Variants in RBFOX1 observed in about 807,000 individuals in gnomAD.
RBFOX1 encodes RNA binding protein fox-1 homolog 1.
A neutral mutation model predicts 57.7 loss-of-function variants in RBFOX1; 8 were observed. That is an observed-to-expected ratio of 0.14 (90% CI 0.08 to 0.25). The LOEUF is 0.25. Ranked by LOEUF, RBFOX1 falls within the 10% of genes least tolerant of loss-of-function variation. RBFOX1 has a pLI of 1.00. For synonymous variants in RBFOX1, 326 were observed against 222.4 expected, an observed-to-expected ratio of 1.47 and a Z score of -4.15; for missense variants, 611 against 548.5, an observed-to-expected ratio of 1.11 and a Z score of -1.14.
chr16:7,486,415 G>A (rs1160730001), intron 4 of RBFOX1, among the ~76,000 whole-genome samples: 5 of 152,032 alleles, frequency 3.3e-5, no homozygotes, highest in Admixed American at 2.0e-4. Flanking sequence ...GGGATTATAG[G>A]TGTGAGCCAT....
At chr16:7,111,349 C>A (rs1054502994) in intron 4 of RBFOX1, among the ~76,000 whole-genome samples, 31 of 152,126 alleles carry the variant, frequency 2.0e-4, no homozygotes, top group Non-Finnish European at 2.9e-5. Flanking sequence ...CGGAGCTGAG[C>A]GGCACTGTTT....
chr16:5,494,993 C>T (rs574563047), intron 2 of RBFOX1, among the ~76,000 whole-genome samples: 3 of 152,266 alleles, frequency 2.0e-5, no homozygotes, highest in South Asian at 2.1e-4. Flanking sequence ...ATCAGTTTTA[C>T]GTGACTAGTG....
intron 2 of RBFOX1, among the ~76,000 whole-genome samples, chr16:6,626,065 C>G (rs992017324): frequency 6.6e-6 from 1 of 151,768 alleles, no homozygotes; most frequent in Non-Finnish European, 1.5e-5. Context: ...ATAGTGTTGC[C>G]TGCCTCTGAA....
At chr16:7,221,656 T>G (rs1323475725) in intron 4 of RBFOX1, among the ~76,000 whole-genome samples, 2 of 152,200 alleles carry the variant, frequency 1.3e-5, no homozygotes, top group Non-Finnish European at 2.9e-5. Flanking sequence ...CGTGAGCCAC[T>G]GCACCTGCCG....
At chr16:7,007,680 A>G (rs1196432140) in intron 3 of RBFOX1, among the ~76,000 whole-genome samples, 2 of 152,092 alleles carry the variant, frequency 1.3e-5, no homozygotes, top group African/African-American at 4.8e-5. Flanking sequence ...CTTTAACATG[A>G]TTTTGCATGT....
intron 3 of RBFOX1, among the ~76,000 whole-genome samples, chr16:7,028,083 T>C (rs1266163019): frequency 1.3e-5 from 2 of 152,090 alleles, no homozygotes; most frequent in African/African-American, 4.8e-5. Context: ...ACGTGGTTTC[T>C]CATTTGCCTG....
intron 4 of RBFOX1, among the ~76,000 whole-genome samples, chr16:7,304,056 A>C (rs1049476093): frequency 2.6e-5 from 4 of 151,652 alleles, no homozygotes; most frequent in Admixed American, 2.0e-4. Context: ...CGCGAAGGGA[A>C]CCAACTAGTT....
intron 4 of RBFOX1, among the ~76,000 whole-genome samples, chr16:7,241,812 T>C (rs1010060788): frequency 4.0e-5 from 6 of 151,038 alleles, no homozygotes; most frequent in African/African-American, 1.5e-4. Flanking sequence ...GATACTCACA[T>C]ATACATATAT....
chr16:5,950,641 G>C (rs55950054), intron 4 of RBFOX1, among the ~76,000 whole-genome samples: 2,142 of 152,176 alleles, frequency 0.014, 22 homozygotes, highest in Non-Finnish European at 0.02. Flanking sequence ...GAAACCTTTC[G>C]GTTATTATTT....
chr16:7,691,498 G>A (rs1206532383), intron 14 of RBFOX1, among the ~76,000 whole-genome samples: 4 of 151,378 alleles, frequency 2.6e-5, no homozygotes. Flanking sequence ...AAAGGAGGAA[G>A]GAAAAAGGGT....
chr16:5,434,104 T>C (rs776479362), intron 1 of RBFOX1, among the ~76,000 whole-genome samples: 12 of 152,180 alleles, frequency 7.9e-5, no homozygotes, highest in Non-Finnish European at 1.8e-4. Context: ...TCTGCAGACC[T>C]GTACAGAACC....
intron 3 of RBFOX1, among the ~76,000 whole-genome samples, chr16:5,741,108 C>T (rs1046697147): frequency 1.3e-5 from 2 of 152,182 alleles, no homozygotes; most frequent in African/African-American, 4.8e-5. Context: ...GGTCACACAG[C>T]AAATAGAACT....
intron 3 of RBFOX1, among the ~76,000 whole-genome samples, chr16:6,972,936 C>CA (rs1179547984): frequency 2.0e-5 from 3 of 152,022 alleles, no homozygotes; most frequent in African/African-American, 7.2e-5. Context: ...CCAACTTGGC[C>CA]AACATGGTGA....
At chr16:7,196,813 A>T (rs1044978952) in intron 4 of RBFOX1, among the ~76,000 whole-genome samples, 1 of 152,090 alleles carries the variant, frequency 6.6e-6, no homozygotes, top group African/African-American at 2.4e-5. Flanking sequence ...CAGATGATTT[A>T]TGGAAGGGTG....
At chr16:6,572,757 A>C (rs950168914) in intron 2 of RBFOX1, among the ~76,000 whole-genome samples, 1 of 151,998 alleles carries the variant, frequency 6.6e-6, no homozygotes, top group Non-Finnish European at 1.5e-5. Flanking sequence ...GCACCCAGCT[A>C]ATTTTTTGTG....
At chr16:7,623,153 G>A (rs140783187) in intron 10 of RBFOX1, among the ~76,000 whole-genome samples, 4,605 of 152,250 alleles carry the variant, frequency 0.03, 108 homozygotes, top group Non-Finnish European at 0.045. Context: ...GTTGGCTAGT[G>A]CTGCCATAGC....
chr16:7,650,923 T>A (rs1343970723), intron 11 of RBFOX1, among the ~76,000 whole-genome samples: 1 of 152,148 alleles, frequency 6.6e-6, no homozygotes, highest in Non-Finnish European at 1.5e-5. Flanking sequence ...TTTTATGATA[T>A]TAGGATTTAC....
At chr16:7,106,402 A>ATTC (rs1201332226) in intron 4 of RBFOX1, among the ~76,000 whole-genome samples, 1 of 152,106 alleles carries the variant, frequency 6.6e-6, no homozygotes, top group African/African-American at 2.4e-5. Flanking sequence ...ACAGCTCTTT[A>ATTC]TTCTTCATTT....
chr16:7,425,755 A>T (rs2098604542), intron 4 of RBFOX1, among the ~76,000 whole-genome samples: 1 of 152,154 alleles, frequency 6.6e-6, no homozygotes, highest in Non-Finnish European at 1.5e-5. Context: ...CTTTTAACAA[A>T]TCCTCCCTTG....
Sources: allele counts gnomAD v4.1 joint callset (sites outside exome capture counted in the v4.1 genomes callset), GRCh38; gene constraint gnomAD v4.1.1; transcripts MANE v1.5; gene names NCBI Gene and HGNC (gene_info 2026-07-23, HGNC 2026-07-21).